Variants in CHD7 observed in about 807,000 individuals in gnomAD.
CHD7 encodes the protein ATP-dependent chromatin remodeler CHD7.
In CHD7, 24 loss-of-function variants were observed where a neutral mutation model predicts 307.3. The ratio of observed to expected loss-of-function variants is 0.08; its 90% confidence interval spans 0.06 to 0.11. CHD7 has a LOEUF of 0.11. Ranked by LOEUF, CHD7 falls within the 10% of genes least tolerant of loss-of-function variation. The pLI, the probability that CHD7 is intolerant of heterozygous loss-of-function variation, is 1.00. For synonymous variants in CHD7, 1,363 were observed against 1,349.9 expected (o/e 1.01, Z -0.21); for missense variants, 3,106 against 3,727.1 (o/e 0.83, Z 4.34).
At chr8:60,768,238 A>G (rs1180353181) in intron 2 of CHD7, among the ~76,000 whole-genome samples, 1 of 152,170 alleles carries the variant, frequency 6.6e-6, no homozygotes, top group African/African-American at 2.4e-5. Context: ...TTGAAGCAGG[A>G]CCAGAGCAGA....
chr8:60,754,422 TTTTTA>T (rs1289042703), intron 2 of CHD7, among the ~76,000 whole-genome samples: 1 of 152,204 alleles, frequency 6.6e-6, no homozygotes, highest in Admixed American at 6.5e-5. Context: ...TGTTAAATAT[TTTTTA>T]TTTTAACTAC....
intron 21 of CHD7, among the ~76,000 whole-genome samples, chr8:60,843,990 T>C (rs145137657): frequency 6.6e-6 from 1 of 152,252 alleles, no homozygotes; most frequent in East Asian, 1.9e-4. Flanking sequence ...TGCTCTCTGC[T>C]CCAAACACAA....
At chr8:60,727,295 T>A (rs1808216347) in intron 1 of CHD7, among the ~76,000 whole-genome samples, 1 of 152,010 alleles carries the variant, frequency 6.6e-6, no homozygotes, top group Non-Finnish European at 1.5e-5. Context: ...GCCCGGCTAA[T>A]TTTTGTATTT....
At chr8:60,745,197 A>G (rs1351414700) in intron 2 of CHD7, among the ~76,000 whole-genome samples, 1 of 152,052 alleles carries the variant, frequency 6.6e-6, no homozygotes, top group African/African-American at 2.4e-5. Flanking sequence ...AGGAATTATT[A>G]TTTTCTTATT....
At chr8:60,827,711 A>T (rs373782452) in intron 13 of CHD7, among the ~76,000 whole-genome samples, 9 of 152,018 alleles carry the variant, frequency 5.9e-5, no homozygotes, top group African/African-American at 2.2e-4. Flanking sequence ...TCATTAACAG[A>T]TATGACATGG....
At chr8:60,851,433 C>A (rs940254112) in intron 28 of CHD7, 114 bp downstream of exon 28, 6 of 718,628 alleles carry the variant, frequency 8.3e-6, no homozygotes, top group African/African-American at 1.8e-5. Context: ...CTTATTTCTT[C>A]TACACTGACC....
At chr8:60,695,385 C>T (rs76248411) in intron 1 of CHD7, among the ~76,000 whole-genome samples, 88 of 152,216 alleles carry the variant, frequency 5.8e-4, no homozygotes, top group African/African-American at 2.0e-3. Context: ...ACATTGGGTA[C>T]AGTCAGAATA....
At chr8:60,820,182 G>GAT in intron 9 of CHD7, 92 bp downstream of exon 9, 1 of 747,192 alleles carries the variant, frequency 1.3e-6, no homozygotes, top group Non-Finnish European at 2.2e-6. Flanking sequence ...CCTGGTCTTG[G>GAT]TCAGAGCCTT....
At chr8:60,758,135 T>G (rs116774067) in intron 2 of CHD7, among the ~76,000 whole-genome samples, 4 of 152,164 alleles carry the variant, frequency 2.6e-5, no homozygotes, top group Non-Finnish European at 5.9e-5. Flanking sequence ...AATCTTCTGA[T>G]TTTTGTATAC....
intron 4 of CHD7, among the ~76,000 whole-genome samples, chr8:60,795,637 A>G (rs1811990901): frequency 6.6e-6 from 1 of 152,220 alleles, no homozygotes; most frequent in Non-Finnish European, 1.5e-5. Flanking sequence ...CAAGCCAGTG[A>G]CTTTCCAAAT....
Position 60,801,603 on chromosome 8 carries a change from A to G in CHD7, c.2442+10A>G, listed in dbSNP as rs773550493. The G allele has an allele frequency of 3.2e-6, 5 of 1,554,220 alleles. No homozygotes were observed. The South Asian group carries it at 4.7e-5, about 15-fold the overall frequency. ...TTCAGTAAAAAAGCAGGTGAGTGCC[A>G]TTGGAGCCATTAAAATCTGTGAGGT... On this transcript the variant is annotated intron_variant, in intron 6 of 37. Coordinates refer to ENST00000423902, the MANE Select transcript of CHD7 (RefSeq NM_017780.4).
At position 60,795,082 on chromosome 8, in the gene CHD7, C is replaced by T; in HGVS notation, c.2193C>T (p.Pro731=). 2 of 1,613,690 alleles carry T rather than the reference C, an allele frequency of 1.2e-6. No individual in the cohort carries two copies. Among genetic ancestry groups the T allele is most frequent in the Non-Finnish European group, 1.7e-6 (2 of 1,179,720 alleles). The part of the protein sequence containing the change: ...GSENSDLDKT[P]PPSPPPEEDE... ...AAAATTCAGACTTAGACAAAACACC[C>T]CCACCATCTCCTCCTCCTGAAGAAG... Residue 731 remains proline, a synonymous_variant, in exon 4 of 38, where the codon CCC becomes CCT. Coordinates refer to ENST00000423902, the MANE Select transcript of CHD7 (RefSeq NM_017780.4).
chr8:60,765,367 A>G (rs1810425645), intron 2 of CHD7, among the ~76,000 whole-genome samples: 1 of 152,236 alleles, frequency 6.6e-6, no homozygotes, highest in African/African-American at 2.4e-5. Context: ...TATAAATGAC[A>G]AGAGTATAAC....
At chr8:60,745,451 A>G (rs1356260685) in intron 2 of CHD7, among the ~76,000 whole-genome samples, 1 of 152,144 alleles carries the variant, frequency 6.6e-6, no homozygotes, top group Non-Finnish European at 1.5e-5. Flanking sequence ...ATCCTTGACC[A>G]GTGGAGGCTC....
chr8:60,722,364 C>CT (rs1807951743), intron 1 of CHD7, among the ~76,000 whole-genome samples: 3 of 152,002 alleles, frequency 2.0e-5, no homozygotes, highest in Non-Finnish European at 4.4e-5. Flanking sequence ...GTTGAAAGGT[C>CT]TTTTTTTGGA....
intron 1 of CHD7, among the ~76,000 whole-genome samples, chr8:60,713,727 G>GGGT (rs956481901): frequency 3.3e-5 from 5 of 152,176 alleles, no homozygotes; most frequent in Admixed American, 2.0e-4. Context: ...TTGCTGCCTG[G>GGGT]GGTAAACCAG....
intron 25 of CHD7, among the ~76,000 whole-genome samples, chr8:60,849,440 C>G (rs1805354635): frequency 6.6e-6 from 1 of 152,226 alleles, no homozygotes; most frequent in Non-Finnish European, 1.5e-5. Context: ...ATAGCTCTCC[C>G]TAAACTTTGC....
At chr8:60,697,300 G>A (rs1399171938) in intron 1 of CHD7, among the ~76,000 whole-genome samples, 1 of 152,160 alleles carries the variant, frequency 6.6e-6, no homozygotes, top group Non-Finnish European at 1.5e-5. Context: ...CAGACAGCCT[G>A]GAAAAGCTTT....
chr8:60,733,358 G>A (rs1294376318), intron 1 of CHD7, among the ~76,000 whole-genome samples: 1 of 152,156 alleles, frequency 6.6e-6, no homozygotes, highest in Non-Finnish European at 1.5e-5. Flanking sequence ...GCCATACAAT[G>A]TTGAGTACTT....
Sources: allele counts gnomAD v4.1 joint callset (sites outside exome capture counted in the v4.1 genomes callset), GRCh38; gene constraint gnomAD v4.1.1; transcripts MANE v1.5; gene names NCBI Gene and HGNC (gene_info 2026-07-23, HGNC 2026-07-21).